The following ESR1 variants were observed in gnomAD, a reference collection of about 807,000 sequenced individuals.
ESR1 encodes the protein estrogen receptor.
In ESR1, 12 loss-of-function variants were observed where a neutral mutation model predicts 52.7. The ratio of observed to expected loss-of-function variants is 0.23; its 90% CI spans 0.15 to 0.37. ESR1 has a LOEUF of 0.37. Ranked by LOEUF, ESR1 falls within the 10% of genes least tolerant of loss-of-function variation. The probability of loss-of-function intolerance (pLI) is 1.00; values close to 1 mark genes in which losing one functional copy is unlikely to be tolerated. For synonymous variants in ESR1, 305 were observed against 316.8 expected, an observed-to-expected ratio of 0.96 and a Z score of 0.39; for missense variants, 584 against 779.7, an observed-to-expected ratio of 0.75 and a Z score of 2.99.
intron 6 of ESR1, among the ~76,000 whole-genome samples, chr6:152,110,171 T>C (rs987828741): frequency 1.3e-5 from 2 of 152,234 alleles, no homozygotes; most frequent in Non-Finnish European, 2.9e-5. Context: ...ACTTTAAACA[T>C]GAGTGGTACT....
intron 2 of ESR1, among the ~76,000 whole-genome samples, chr6:151,730,036 C>T (rs1284298693): frequency 1.3e-5 from 2 of 152,174 alleles, no homozygotes; most frequent in African/African-American, 4.8e-5. Flanking sequence ...CTAGTCATTG[C>T]TTCCTTCTTG....
At chr6:151,851,626 C>T (rs542571268) in intron 2 of ESR1, among the ~76,000 whole-genome samples, 2 of 150,314 alleles carry the variant, frequency 1.3e-5, no homozygotes, top group East Asian at 3.9e-4. Context: ...CTCCTGGGTT[C>T]AAGCAATTCT....
Position 152,053,046 on chromosome 6 carries a change from G to C in ESR1, c.1236-7945G>C, listed in dbSNP as rs118061457. Among the ~76,000 whole-genome samples, 22 of 152,206 alleles carry C rather than the reference G, an allele frequency of 1.4e-4. No individual in the cohort carries two copies. Among genetic ancestry groups the C allele is most frequent in the Non-Finnish European group, 2.2e-4 (15 of 68,002 alleles). ...ATTCTCTGAAAATAATATCACATTT[G>C]TTTAGTAAAAAAATTGTTTACTAAA... is the stretch of plus-strand genomic sequence containing the variant. On this transcript the variant is annotated intron_variant, in intron 5 of 7. Coordinates refer to ENST00000206249, the MANE Select transcript of ESR1 (RefSeq NM_000125.4). The surrounding 1 kb of genome is among the most constrained non-coding windows in gnomAD (Gnocchi z 4.1).
chr6:151,884,515 AAG>A (rs2128343410), intron 3 of ESR1, among the ~76,000 whole-genome samples: 1 of 152,356 alleles, frequency 6.6e-6, no homozygotes, highest in East Asian at 1.9e-4. Flanking sequence ...TTTCAGTTAA[AAG>A]AGAACCACAG....
At chr6:151,846,338 G>A (rs1439286718) in intron 2 of ESR1, among the ~76,000 whole-genome samples, 1 of 152,114 alleles carries the variant, frequency 6.6e-6, no homozygotes, top group Non-Finnish European at 1.5e-5. Flanking sequence ...TATTTGATTT[G>A]TTTGTGTGTA....
intron 6 of ESR1, among the ~76,000 whole-genome samples, chr6:152,068,230 A>C (rs569234063): frequency 1.3e-5 from 2 of 152,234 alleles, no homozygotes; most frequent in African/African-American, 4.8e-5. Flanking sequence ...AACGTCCATC[A>C]TTTGGATTTG....
At chr6:151,934,727 A>G (rs1433059722) in intron 3 of ESR1, among the ~76,000 whole-genome samples, 2 of 152,248 alleles carry the variant, frequency 1.3e-5, no homozygotes, top group African/African-American at 4.8e-5. Context: ...AAATAAAAGC[A>G]TCAGTGGGAA....
At chr6:152,065,992 G>A (rs1269934742) in intron 6 of ESR1, among the ~76,000 whole-genome samples, 2 of 152,316 alleles carry the variant, frequency 1.3e-5, no homozygotes, top group African/African-American at 2.4e-5. Context: ...TCTAAAATGT[G>A]TACTTTAGTG....
intron 2 of ESR1, among the ~76,000 whole-genome samples, chr6:151,746,095 T>G (rs1783460474): frequency 6.6e-6 from 1 of 152,224 alleles, no homozygotes; most frequent in South Asian, 2.1e-4. Flanking sequence ...TCACATTTTT[T>G]TGTTTATCCA....
At chr6:152,036,499 G>A (rs968630839) in intron 5 of ESR1, among the ~76,000 whole-genome samples, 4 of 152,276 alleles carry the variant, frequency 2.6e-5, no homozygotes, top group Non-Finnish European at 4.4e-5. Flanking sequence ...ATATTATGCT[G>A]AGAATATGGC....
downstream of ESR1, among the ~76,000 whole-genome samples, chr6:152,108,092 GT>G (rs2051087817): frequency 6.6e-6 from 1 of 152,150 alleles, no homozygotes; most frequent in South Asian, 2.1e-4. Flanking sequence ...GCACACAGCC[GT>G]CATGGTCAGA....
chr6:151,780,542 G>A (rs1375277172), intron 2 of ESR1, among the ~76,000 whole-genome samples: 2 of 152,076 alleles, frequency 1.3e-5, no homozygotes, highest in African/African-American at 4.8e-5. Flanking sequence ...CTTGGTGTGG[G>A]GTAGCCTGGG....
chr6:151,935,876 T>G (rs983346273), intron 3 of ESR1, among the ~76,000 whole-genome samples: 1 of 152,222 alleles, frequency 6.6e-6, no homozygotes, highest in Non-Finnish European at 1.5e-5. Context: ...GATTCTGAAC[T>G]TCTAGAAGAT....
chr6:151,970,714 G>A (rs1210135896), intron 4 of ESR1, among the ~76,000 whole-genome samples: 1 of 152,158 alleles, frequency 6.6e-6, no homozygotes, highest in African/African-American at 2.4e-5. Flanking sequence ...CCTCTTCTCG[G>A]TTTAGCACAG....
intron 5 of ESR1, among the ~76,000 whole-genome samples, chr6:152,052,658 A>G (rs1022103885): frequency 8.5e-5 from 13 of 152,124 alleles, no homozygotes; most frequent in African/African-American, 2.9e-4. Flanking sequence ...GGAAAAGCAT[A>G]TAACCCAAAG....
intron 6 of ESR1, chr6:152,122,327 C>T (rs2051577228): frequency 6.3e-7 from 1 of 1,584,264 alleles, no homozygotes; most frequent in East Asian, 2.2e-5. Flanking sequence ...AAAGCTGCCA[C>T]ACCGAGGGCT....
At position 151,863,764 on chromosome 6, in the gene ESR1, A is replaced by G. The variant is rs192566526; in HGVS notation, c.644-16891A>G. Among the ~76,000 whole-genome samples, 80 of 152,304 alleles carry G rather than the reference A, an allele frequency of 5.3e-4. No homozygotes were observed. The East Asian group carries it at 0.012, about 23-fold the overall frequency. On this transcript the variant is annotated intron_variant, in intron 2 of 7. Coordinates refer to ENST00000206249, the MANE Select transcript of ESR1 (RefSeq NM_000125.4). ...CCCTCAGAAATAATACCACACATCT[A>G]CAACCATCTGATCTTTGACAAACGT... is the stretch of plus-strand genomic sequence containing the variant.
intron 2 of ESR1, among the ~76,000 whole-genome samples, chr6:151,775,029 C>G (rs1785838524): frequency 6.6e-6 from 1 of 152,146 alleles, no homozygotes; most frequent in African/African-American, 2.4e-5. Context: ...CAATATAGCC[C>G]TTTGACTTGG....
intron 2 of ESR1, among the ~76,000 whole-genome samples, chr6:151,742,771 C>T (rs562438395): frequency 3.3e-5 from 5 of 152,108 alleles, no homozygotes; most frequent in Admixed American, 3.3e-4. Flanking sequence ...ATTCATTGAT[C>T]GTCATTACAC....
Sources: gnomAD v4.1 joint callset for allele counts (sites outside exome capture counted in the v4.1 genomes callset) on GRCh38, gnomAD v4.1.1 for gene constraint, Gnocchi (gnomAD v3.1) non-coding constraint, MANE v1.5 for transcripts, NCBI Gene and HGNC (gene_info 2026-07-23, HGNC 2026-07-21) for gene names.